The following HSF2BP variants were observed in gnomAD, a reference collection of about 807,000 sequenced individuals.
HSF2BP encodes the protein heat shock transcription factor 2 binding protein, also known as heat shock factor 2-binding protein.
A neutral mutation model predicts 35.0 loss-of-function variants in HSF2BP; 35 were observed. That is an observed-to-expected ratio of 1.00 (90% CI 0.76 to 1.32). The LOEUF (loss-of-function observed/expected upper bound fraction) is 1.32, where lower values mean the gene tolerates loss of function less well. Ranked by LOEUF, HSF2BP falls within the 40% of genes most tolerant of loss-of-function variation. The pLI is 0.00. For missense variants in HSF2BP, 326 were observed against 321.7 expected (o/e 1.01, Z -0.10); for synonymous variants, 114 against 117.4 (o/e 0.97, Z 0.18).
At position 43,575,564 on chromosome 21, in the gene HSF2BP, C is replaced by T. The variant is rs1406199075; in HGVS notation, c.796+16661G>A. 2.0e-5 allele frequency among the ~76,000 whole-genome samples: 3 copies of T among 152,198 alleles called. No individual in the cohort carries two copies. In the East Asian group the frequency reaches 5.8e-4, roughly 29 times the overall value. On this transcript the variant is annotated intron_variant, in intron 8 of 8. Transcript: ENST00000291560. ...TCACCACTTACAAACTACTTTCACACATATTACTGCATTTTTACTTTGGGA... is the reference window on the plus strand; with the variant it reads ...TCACCACTTACAAACTACTTTCACATATATTACTGCATTTTTACTTTGGGA...
At position 43,644,357 on chromosome 21, in the gene HSF2BP, T is replaced by G; in HGVS notation, c.223A>C (p.Lys75Gln). ...ERKEQELEQLKMDCEHFKARL... is the reference protein window; with the variant it reads ...ERKEQELEQLQMDCEHFKARL... ...GCTTTAAAGTGCTCACAATCCATTT[T>G]CAGCTGCTCTAATTCTTGCTCTTTC... is the stretch of plus-strand genomic sequence containing the variant. The change falls in exon 4 of 9, where the codon AAA (lysine) becomes CAA (glutamine). Residue 75 changes from lysine (K) to glutamine (Q), a missense_variant. Physicochemically the swap from Lys to Gln is moderately conservative, Grantham distance 53 (BLOSUM62 1). Transcript: ENST00000291560. 6.2e-7 allele frequency: 1 copy of G among 1,614,176 alleles called. No homozygotes were observed. Among genetic ancestry groups the G allele is most frequent in the Non-Finnish European group, 8.5e-7 (1 of 1,179,984 alleles).
At chr21:43,638,948 C>G (rs184576440) in intron 4 of HSF2BP, among the ~76,000 whole-genome samples, 1 of 152,264 alleles carries the variant, frequency 6.6e-6, no homozygotes, top group Non-Finnish European at 1.5e-5. Flanking sequence ...ATTATTGGTG[C>G]AGGAACAGAT....
chr21:43,648,702 T>G (rs2082741968), intron 3 of HSF2BP, among the ~76,000 whole-genome samples: 1 of 152,276 alleles, frequency 6.6e-6, no homozygotes, highest in South Asian at 2.1e-4. Context: ...TGGATATTTC[T>G]CAAGTTCTTA....
chr21:43,573,106 C>T (rs755493641), intron 8 of HSF2BP, among the ~76,000 whole-genome samples: 1 of 152,158 alleles, frequency 6.6e-6, no homozygotes, highest in African/African-American at 2.4e-5. Flanking sequence ...CCCAGCTGTC[C>T]GCTGCCACGG....
chr21:43,614,015 A>G, intron 6 of HSF2BP, 68 bp from the exon 7 acceptor site: 1 of 1,142,534 alleles, frequency 8.8e-7, no homozygotes, highest in South Asian at 1.3e-5. Flanking sequence ...TTTGTGCAGA[A>G]CAGAGTATTT....
intron 6 of HSF2BP, among the ~76,000 whole-genome samples, chr21:43,626,997 A>T (rs549087118): frequency 3.9e-5 from 6 of 151,968 alleles, no homozygotes; most frequent in Non-Finnish European, 7.4e-5. Flanking sequence ...CCTACTGAGT[A>T]GCTGGGATTA....
chr21:43,637,332 G>A (rs1246760641), intron 4 of HSF2BP, among the ~76,000 whole-genome samples: 2 of 152,096 alleles, frequency 1.3e-5, no homozygotes, highest in Non-Finnish European at 2.9e-5. Flanking sequence ...ATATAATTCT[G>A]TTCCTACAAA....
At chr21:43,642,290 G>A (rs1414524169) in intron 4 of HSF2BP, among the ~76,000 whole-genome samples, 1 of 152,028 alleles carries the variant, frequency 6.6e-6, no homozygotes, top group Admixed American at 6.6e-5. Context: ...TTAAGCCCAG[G>A]AGGTCGAAGC....
intron 8 of HSF2BP, among the ~76,000 whole-genome samples, chr21:43,581,642 C>T (rs987643883): frequency 6.6e-6 from 1 of 152,158 alleles, no homozygotes; most frequent in South Asian, 2.1e-4. Flanking sequence ...AATAGTTTCA[C>T]GGCCCAAGAA....
intron 4 of HSF2BP, among the ~76,000 whole-genome samples, chr21:43,634,919 C>T (rs1450703461): frequency 1.3e-5 from 2 of 152,148 alleles, no homozygotes; most frequent in Non-Finnish European, 2.9e-5. Flanking sequence ...ACAACTTAAG[C>T]TGTCTGCATC....
intron 4 of HSF2BP, among the ~76,000 whole-genome samples, chr21:43,638,956 G>A (rs958030558): frequency 6.6e-6 from 1 of 152,222 alleles, no homozygotes; most frequent in Non-Finnish European, 1.5e-5. Flanking sequence ...TGCAGGAACA[G>A]ATCAAAGTAC....
At chr21:43,606,365 T>C (rs1016439236) in intron 7 of HSF2BP, among the ~76,000 whole-genome samples, 1 of 151,968 alleles carries the variant, frequency 6.6e-6, no homozygotes, top group Non-Finnish European at 1.5e-5. Flanking sequence ...CATCAGGAAA[T>C]GTGATGCACA....
chr21:43,600,304 A>T (rs747153992), intron 7 of HSF2BP, among the ~76,000 whole-genome samples: 1 of 152,228 alleles, frequency 6.6e-6, no homozygotes, highest in Non-Finnish European at 1.5e-5. Context: ...ACTTCAAAAC[A>T]AACTAGCAAT....
chr21:43,605,637 C>T (rs2146875710), intron 7 of HSF2BP, among the ~76,000 whole-genome samples: 1 of 150,230 alleles, frequency 6.7e-6, no homozygotes, highest in East Asian at 2.0e-4. Context: ...ACCATGCATA[C>T]CACACCCACA....
intron 3 of HSF2BP, among the ~76,000 whole-genome samples, chr21:43,650,392 A>G (rs2082767566): frequency 6.6e-6 from 1 of 152,042 alleles, no homozygotes; most frequent in Non-Finnish European, 1.5e-5. Flanking sequence ...TTTTTAGTAG[A>G]TACAGGGTTT....
At chr21:43,575,491 T>C (rs1306418071) in intron 8 of HSF2BP, among the ~76,000 whole-genome samples, 2 of 152,244 alleles carry the variant, frequency 1.3e-5, no homozygotes, top group Non-Finnish European at 2.9e-5. Flanking sequence ...GGCCTGATTC[T>C]TTCCAGAAGG....
chr21:43,639,832 A>G (rs1044949545), intron 4 of HSF2BP, among the ~76,000 whole-genome samples: 1 of 152,182 alleles, frequency 6.6e-6, no homozygotes, highest in Non-Finnish European at 1.5e-5. Context: ...AAACCTATAC[A>G]TGGATGTTAC....
intron 7 of HSF2BP, among the ~76,000 whole-genome samples, chr21:43,596,048 A>G (rs2081983485): frequency 6.6e-6 from 1 of 152,062 alleles, no homozygotes; most frequent in Non-Finnish European, 1.5e-5. Flanking sequence ...TGAAAAGTTC[A>G]GTTCATCAGG....
chr21:43,638,523 G>A (rs936861240), intron 4 of HSF2BP, among the ~76,000 whole-genome samples: 9 of 152,172 alleles, frequency 5.9e-5, no homozygotes, highest in South Asian at 2.1e-4. Flanking sequence ...TACCATTTAC[G>A]GTTACTCCAA....
Sources: gnomAD v4.1 joint callset for allele counts (sites outside exome capture counted in the v4.1 genomes callset) on GRCh38, gnomAD v4.1.1 for gene constraint, MANE v1.5 for transcripts, NCBI Gene and HGNC (gene_info 2026-07-23, HGNC 2026-07-21) for gene names.